The following ATCAY variants were observed in gnomAD, a reference collection of about 807,000 sequenced individuals.
ATCAY encodes ATCAY kinesin light chain interacting caytaxin, also known as caytaxin.
ATCAY carries 22 observed loss-of-function variants against 47.7 expected under a neutral mutation model. The observed-to-expected ratio is 0.46, with a 90% confidence interval of 0.33 to 0.66. ATCAY has a LOEUF of 0.66. ATCAY is among the 30% of genes least tolerant of loss of function. ATCAY has a pLI of 0.02. For synonymous variants in ATCAY, 216 were observed against 207.6 expected (o/e 1.04, Z -0.35); for missense variants, 452 against 515.0 (o/e 0.88, Z 1.18).
chr19:3,887,400 G>A (rs1238875283), intron 2 of ATCAY, among the ~76,000 whole-genome samples: 1 of 152,018 alleles, frequency 6.6e-6, no homozygotes, highest in Non-Finnish European at 1.5e-5. Flanking sequence ...AGAGGTTGCA[G>A]CGAGCCATGA....
chr19:3,902,031 A>T (rs182388250), intron 2 of ATCAY, among the ~76,000 whole-genome samples: 4 of 151,466 alleles, frequency 2.6e-5, no homozygotes, highest in African/African-American at 9.7e-5. Context: ...AAGAAAAAAC[A>T]TGCGCTTGTG....
chr19:3,917,611 GGAAGAA>G lies in ATCAY; in HGVS notation c.966-118_966-113del, dbSNP rs371877491. On this transcript the variant is annotated intron_variant, in intron 9 of 12. Coordinates refer to ENST00000450849, the MANE Select transcript of ATCAY (RefSeq NM_033064.5). ...AAAAAAAAAAAAAAAAAAAAAAAAA[GGAAGAA>G]GAAGAAGAAGAAAAGAAAGAAAAAA... is the stretch of plus-strand genomic sequence containing the variant. The G allele has an allele frequency of 3.4e-4, 164 of 481,820 alleles. No individual in the cohort carries two copies. The Middle Eastern group carries it at 3.9e-3, about 12-fold the overall frequency. 29.8% of individuals were successfully genotyped at this position (481,820 alleles called of 1,614,324 possible).
chr19:3,921,166 G>A (rs984213221), intron 12 of ATCAY, among the ~76,000 whole-genome samples: 1 of 152,162 alleles, frequency 6.6e-6, no homozygotes, highest in African/African-American at 2.4e-5. Flanking sequence ...CAAAAGGGTA[G>A]ACTGTCCACG....
rs1290645742 is a variant in ATCAY at position 3,900,832 on chromosome 19, G to GGC, written c.78-1654_78-1653dup. On this transcript the variant is annotated intron_variant, in intron 2 of 12. Transcript: ENST00000450849. ...ATTACAGGCGTGAGCTGCTGCGCCT[G>GGC]GCCCATCCTGTATTTTTTGGAATGA... 2.0e-5 allele frequency among the ~76,000 whole-genome samples: 3 copies of GGC among 151,144 alleles called. No individual in the cohort carries two copies. In the East Asian group the frequency reaches 5.9e-4, roughly 30 times the overall value.
At chr19:3,924,553 A>T in intron 12 of ATCAY, 30 bp from the exon 13 acceptor site, 1 of 1,613,788 alleles carries the variant, frequency 6.2e-7, no homozygotes, top group Non-Finnish European at 8.5e-7. Context: ...ATTAACAGCA[A>T]TAACTTGGCC....
At chr19:3,919,833 G>A (rs2039001039) in intron 11 of ATCAY, among the ~76,000 whole-genome samples, 1 of 151,786 alleles carries the variant, frequency 6.6e-6, no homozygotes, top group African/African-American at 2.4e-5. Context: ...GGTGACCTTT[G>A]TCCAGGTCCC....
chr19:3,918,757 G>C (rs2038989869), intron 10 of ATCAY, 49 bp from the exon 11 acceptor site: 8 of 1,603,418 alleles, frequency 5.0e-6, no homozygotes, highest in African/African-American at 1.3e-5. Context: ...CCCACCCCTT[G>C]GCCTGGCTGG....
At chr19:3,913,639 T>G in intron 8 of ATCAY, 119 bp from the exon 9 acceptor site, 2 of 717,524 alleles carry the variant, frequency 2.8e-6, no homozygotes, top group South Asian at 3.3e-5. Context: ...TCGTCTGCAC[T>G]GGGGCATCCT....
intron 9 of ATCAY, among the ~76,000 whole-genome samples, chr19:3,916,974 ATT>A (rs1223315319): frequency 1.3e-5 from 2 of 149,294 alleles, no homozygotes; most frequent in Non-Finnish European, 3.0e-5. Flanking sequence ...CGCCCAGCTA[ATT>A]TTTGTATTTT....
In ATCAY at chr19:3,912,817, C is replaced by T. The variant is rs189697366; in HGVS notation, c.867-941C>T. On this transcript the variant is annotated intron_variant, in intron 8 of 12. Transcript: ENST00000450849. Reference sequence around the variant, plus strand: ...GGAGGATCACTTGAGCCCAGGAGGTCGAGGCTGTAGTGAGCCATGATTACA... The same window carrying T: ...GGAGGATCACTTGAGCCCAGGAGGTTGAGGCTGTAGTGAGCCATGATTACA... 2.1e-4 allele frequency among the ~76,000 whole-genome samples: 32 copies of T among 151,532 alleles called. No individual in the cohort carries two copies. The East Asian group carries it at 6.1e-3, about 29-fold the overall frequency.
intron 3 of ATCAY, among the ~76,000 whole-genome samples, chr19:3,904,330 AT>A (rs2038841663): frequency 6.6e-6 from 1 of 152,230 alleles, no homozygotes; most frequent in Non-Finnish European, 1.5e-5. Context: ...TCTCAAAAAA[AT>A]AAATACATAA....
At chr19:3,899,233 A>G (rs1003020920) in intron 2 of ATCAY, among the ~76,000 whole-genome samples, 3 of 152,100 alleles carry the variant, frequency 2.0e-5, no homozygotes, top group African/African-American at 7.2e-5. Context: ...GGGAGAGGGA[A>G]AAAGCATAAA....
intron 12 of ATCAY, among the ~76,000 whole-genome samples, chr19:3,921,367 C>G (rs2039017976): frequency 6.6e-6 from 1 of 150,676 alleles, no homozygotes; most frequent in South Asian, 2.1e-4. Flanking sequence ...AAAAATTAGC[C>G]AGGTGAGCCA....
At chr19:3,905,688 A>AGGGG in intron 4 of ATCAY, 33 bp downstream of exon 4, 2 of 1,564,460 alleles carry the variant, frequency 1.3e-6, no homozygotes, top group Non-Finnish European at 8.8e-7. Flanking sequence ...GGCCTGCTGG[A>AGGGG]GCCCACCCCC....
intron 1 of ATCAY, among the ~76,000 whole-genome samples, chr19:3,885,101 T>TC (rs1443110830): frequency 4.2e-5 from 5 of 118,350 alleles, no homozygotes; most frequent in Non-Finnish European, 7.1e-5. Flanking sequence ...AGATCATGTT[T>TC]TTTTTTTTAA....
rs111790293 is a variant in ATCAY, at chr19:3,898,386, T to C, written c.78-4101T>C. ...TTTTAGTAGAGACGGGCTTTCGCCA[T>C]GTTGCCCCGACTGGTCTTGAACTCC... On this transcript the variant is annotated intron_variant, in intron 2 of 12. Coordinates refer to ENST00000450849, the MANE Select transcript of ATCAY (RefSeq NM_033064.5). 3.9e-3 allele frequency among the ~76,000 whole-genome samples: 594 copies of C among 152,290 alleles called. 6 individuals are homozygous for C. Among genetic ancestry groups the C allele is most frequent in the African/African-American group, 0.014 (573 of 41,572 alleles).
chr19:3,887,956 T>TC (rs2038677733), intron 2 of ATCAY, among the ~76,000 whole-genome samples: 2 of 150,436 alleles, frequency 1.3e-5, no homozygotes, highest in East Asian at 4.0e-4. Flanking sequence ...AAAATAAAAA[T>TC]TAAAAAAAAT....
At chr19:3,919,557 A>G (rs1056900712) in intron 11 of ATCAY, among the ~76,000 whole-genome samples, 3 of 152,050 alleles carry the variant, frequency 2.0e-5, no homozygotes, top group Admixed American at 2.0e-4. Context: ...AGACCACTGC[A>G]CTCCAGCCTG....
At chr19:3,892,047 G>A (rs934628732) in intron 2 of ATCAY, among the ~76,000 whole-genome samples, 1 of 151,348 alleles carries the variant, frequency 6.6e-6, no homozygotes, top group Non-Finnish European at 1.5e-5. Flanking sequence ...CCACCACCAC[G>A]CCCAGCTAAT....
Sources: gnomAD v4.1 joint callset for allele counts (sites outside exome capture counted in the v4.1 genomes callset) on GRCh38, gnomAD v4.1.1 for gene constraint, MANE v1.5 for transcripts, NCBI Gene and HGNC (gene_info 2026-07-23, HGNC 2026-07-21) for gene names.